Variants in MOV10L1 observed in about 807,000 individuals in gnomAD.
The protein encoded by MOV10L1 is RNA helicase Mov10l1.
A neutral mutation model predicts 143.8 loss-of-function variants in MOV10L1; 110 were observed. The ratio of observed to expected loss-of-function variants is 0.76; its 90% CI spans 0.66 to 0.90. The LOEUF is 0.90. Ranked by LOEUF, MOV10L1 falls within the 40% of genes least tolerant of loss-of-function variation. The probability of loss-of-function intolerance (pLI) is 0.00; values close to 1 mark genes in which losing one functional copy is unlikely to be tolerated. For synonymous variants in MOV10L1, 593 were observed against 581.1 expected, an observed-to-expected ratio of 1.02 and a Z score of -0.29; for missense variants, 1,406 against 1,526.8, an observed-to-expected ratio of 0.92 and a Z score of 1.32.
At chr22:50,136,791 G>A (rs2062833065) in intron 15 of MOV10L1, among the ~76,000 whole-genome samples, 1 of 152,216 alleles carries the variant, frequency 6.6e-6, no homozygotes, top group African/African-American at 2.4e-5. Context: ...ATCAGTGCAT[G>A]ATGTGAGTAA....
At chr22:50,129,904 T>C (rs1212524290) in intron 13 of MOV10L1, among the ~76,000 whole-genome samples, 1 of 152,224 alleles carries the variant, frequency 6.6e-6, no homozygotes, top group Non-Finnish European at 1.5e-5. Flanking sequence ...TTCATTGTTG[T>C]GGGAGTCCTT....
intron 15 of MOV10L1, among the ~76,000 whole-genome samples, chr22:50,137,575 T>A (rs1007483964): frequency 5.9e-5 from 9 of 151,804 alleles, no homozygotes; most frequent in African/African-American, 2.2e-4. Context: ...TGTGGTGGCA[T>A]GTGCCTGTAG....
intron 12 of MOV10L1, among the ~76,000 whole-genome samples, chr22:50,127,988 C>T (rs2062560400): frequency 6.6e-6 from 1 of 152,142 alleles, no homozygotes; most frequent in Admixed American, 6.5e-5. Context: ...CCAGGCTGGT[C>T]TCAAACTCCT....
chr22:50,122,579 C>A (rs1230692256), intron 10 of MOV10L1, among the ~76,000 whole-genome samples: 1 of 152,148 alleles, frequency 6.6e-6, no homozygotes, highest in Non-Finnish European at 1.5e-5. Context: ...ACTTCTAGTA[C>A]CATGATGAAT....
chr22:50,140,127 A>G (rs2062938563), intron 15 of MOV10L1, among the ~76,000 whole-genome samples: 1 of 152,210 alleles, frequency 6.6e-6, no homozygotes, highest in Non-Finnish European at 1.5e-5. Flanking sequence ...GTGTTCGTAC[A>G]ATGGAACATG....
At chr22:50,143,665 C>T (rs149078280) in intron 17 of MOV10L1, among the ~76,000 whole-genome samples, 3 of 152,310 alleles carry the variant, frequency 2.0e-5, no homozygotes, top group East Asian at 3.9e-4. Flanking sequence ...GGCATGATCC[C>T]TTGTCAGGTG....
chr22:50,151,003 G>T, intron 21 of MOV10L1, 104 bp downstream of exon 21: 1 of 1,438,176 alleles, frequency 7.0e-7, no homozygotes, highest in Non-Finnish European at 9.5e-7. Context: ...ATCTCCATCC[G>T]TGGGCAGAGT....
chr22:50,134,473 A>C (rs2047303032), intron 14 of MOV10L1, 57 bp from the exon 15 acceptor site: 2 of 1,416,368 alleles, frequency 1.4e-6, no homozygotes, highest in Admixed American at 1.7e-5. Context: ...AACCTCTATT[A>C]ATATTTTTTT....
intron 15 of MOV10L1, among the ~76,000 whole-genome samples, chr22:50,136,238 T>C (rs1385812397): frequency 6.6e-6 from 1 of 152,182 alleles, no homozygotes; most frequent in Non-Finnish European, 1.5e-5. Flanking sequence ...ACTGGTTCAT[T>C]CTACTGCCTG....
chr22:50,144,759 T>A (rs1366648124), intron 18 of MOV10L1, among the ~76,000 whole-genome samples: 1 of 152,016 alleles, frequency 6.6e-6, no homozygotes, highest in Non-Finnish European at 1.5e-5. Context: ...TTTTTTGTAT[T>A]TTTAGTAGAG....
chr22:50,122,768 C>G (rs989706451), intron 10 of MOV10L1, among the ~76,000 whole-genome samples: 1 of 147,896 alleles, frequency 6.8e-6, no homozygotes, highest in Non-Finnish European at 1.5e-5. Context: ...TTTCCTTTTT[C>G]TCTTTTTTAT....
intron 12 of MOV10L1, among the ~76,000 whole-genome samples, chr22:50,127,151 C>T (rs80156036): frequency 1.3e-5 from 2 of 152,024 alleles, no homozygotes; most frequent in South Asian, 2.1e-4. Context: ...CCAAGATGGC[C>T]GAATGACCAT....
chr22:50,159,689 C>A lies in MOV10L1; in HGVS notation c.3228C>A (p.Ile1076=). The stretch of plus-strand genomic sequence containing the variant: ...AATCTGTTCTCAAGGTGGAGAAAAT[C>A]AGAATTCTTTTGCGTAATGTTGATC... ...ITPYRKQVEK[I]RILLRNVDLM... The change falls in exon 24 of 27, where the codon ATC becomes ATA. Residue 1076 remains isoleucine (I), a synonymous_variant. Coordinates refer to ENST00000262794, the MANE Select transcript of MOV10L1 (RefSeq NM_018995.3). This position sits in a 1 kb window ranked among gnomAD's most constrained non-coding sequence, Gnocchi z 4.1. 6.2e-7 allele frequency: 1 copy of A among 1,607,570 alleles called. No individual in the cohort carries two copies. The highest frequency in any genetic ancestry group is 8.5e-7 in the Non-Finnish European group (1 of 1,175,172).
intron 5 of MOV10L1, among the ~76,000 whole-genome samples, chr22:50,111,307 G>A (rs1255324001): frequency 6.6e-6 from 1 of 152,102 alleles, no homozygotes; most frequent in Non-Finnish European, 1.5e-5. Flanking sequence ...AAAGGAACAG[G>A]GAGGGAGAGT....
intron 15 of MOV10L1, 77 bp downstream of exon 15, chr22:50,134,707 C>T (rs1381609255): frequency 1.6e-6 from 2 of 1,273,324 alleles, no homozygotes; most frequent in Non-Finnish European, 2.3e-6. Context: ...GGGGGTGGCT[C>T]AGCGGCGTGA....
At chr22:50,110,299 A>G (rs1238921347) in intron 5 of MOV10L1, among the ~76,000 whole-genome samples, 4 of 151,732 alleles carry the variant, frequency 2.6e-5, no homozygotes, top group African/African-American at 4.8e-5. Context: ...AACACAAAAA[A>G]TTAGCCAGGC....
At chr22:50,102,245 A>G (rs17836601) in intron 3 of MOV10L1, among the ~76,000 whole-genome samples, 34,126 of 152,124 alleles carry the variant, frequency 0.22, 4,193 homozygotes, top group Admixed American at 0.35. Context: ...TTGAAAGAGA[A>G]AATACAATGT....
Position 50,146,998 on chromosome 22 carries a change from C to T in MOV10L1, c.2627+1188C>T, listed in dbSNP as rs952156908. On this transcript the variant is annotated intron_variant, in intron 19 of 26. Transcript: ENST00000262794. ...TGTGTGGCTACCGGATTGGACAGCA[C>T]GGATCTGAACAAGACAGGGATTTTT... 3.5e-5 allele frequency: 53 copies of T among 1,498,552 alleles called. 1 individual carries two copies. In the Admixed American group the frequency reaches 3.7e-4, roughly 11 times the overall value. 92.8% of individuals were successfully genotyped at this position (1,498,552 alleles called of 1,614,324 possible). A position where few individuals can be genotyped will look rare whatever the true frequency, so the allele number is the denominator to read the frequency against.
At chr22:50,100,070 C>G (rs1413675663) in intron 3 of MOV10L1, among the ~76,000 whole-genome samples, 1 of 152,068 alleles carries the variant, frequency 6.6e-6, no homozygotes, top group African/African-American at 2.4e-5. Context: ...CAGCTCACTG[C>G]AACCTCTGCT....
Sources: gnomAD v4.1 joint callset for allele counts (sites outside exome capture counted in the v4.1 genomes callset) on GRCh38, gnomAD v4.1.1 for gene constraint, Gnocchi (gnomAD v3.1) non-coding constraint, MANE v1.5 for transcripts, NCBI Gene and HGNC (gene_info 2026-07-23, HGNC 2026-07-21) for gene names.